The following HIVEP1 variants were observed in gnomAD, a reference collection of about 807,000 sequenced individuals.
The protein encoded by HIVEP1 is HIVEP zinc finger 1, also known as zinc finger protein 40.
HIVEP1 carries 36 observed loss-of-function variants against 180.0 expected under a neutral mutation model. The ratio of observed to expected loss-of-function variants is 0.20; its 90% CI spans 0.15 to 0.26. The LOEUF (loss-of-function observed/expected upper bound fraction) is 0.26. HIVEP1 is among the 10% of genes least tolerant of loss of function. The pLI, the probability that HIVEP1 is intolerant of heterozygous loss-of-function variation, is 1.00. For missense variants in HIVEP1, 3,143 were observed against 3,268.7 expected, an observed-to-expected ratio of 0.96 and a Z score of 0.94; for synonymous variants, 1,239 against 1,239.0, an observed-to-expected ratio of 1.00 and a Z score of 0.00.
the HIVEP1 span, among the ~76,000 whole-genome samples, chr6:12,211,392 T>C: frequency 2.0e-5 from 1 of 50,704 alleles, no homozygotes; most frequent in African/African-American, 7.3e-5. Context: ...AGAGCGAGAC[T>C]CTGTCTCAAA....
the HIVEP1 span, among the ~76,000 whole-genome samples, chr6:12,176,670 A>G: frequency 6.6e-6 from 1 of 152,180 alleles, no homozygotes; most frequent in Admixed American, 6.5e-5. Context: ...TTTAAAAAGG[A>G]TACAAAGCAT....
At chr6:12,071,833 T>C (rs867701518) in intron 2 of HIVEP1, among the ~76,000 whole-genome samples, 1 of 152,208 alleles carries the variant, frequency 6.6e-6, no homozygotes, top group Non-Finnish European at 1.5e-5. Flanking sequence ...TTGAGGGCAT[T>C]TTTAGATGAG....
At chr6:12,045,209 G>T (rs1413871206) in intron 2 of HIVEP1, among the ~76,000 whole-genome samples, 2 of 152,178 alleles carry the variant, frequency 1.3e-5, no homozygotes, top group Admixed American at 6.5e-5. Context: ...GTGAATGTGT[G>T]TGTGGATCCA....
At chr6:12,156,219 G>A (rs1027498360) in intron 7 of HIVEP1, among the ~76,000 whole-genome samples, 1 of 152,152 alleles carries the variant, frequency 6.6e-6, no homozygotes, top group Non-Finnish European at 1.5e-5. Flanking sequence ...TCTGATGATA[G>A]TTCCTTTTGT....
intron 2 of HIVEP1, among the ~76,000 whole-genome samples, chr6:12,053,765 C>CA (rs1463934356): frequency 6.6e-6 from 1 of 152,186 alleles, no homozygotes; most frequent in Non-Finnish European, 1.5e-5. Flanking sequence ...CCTTCCCCCA[C>CA]AAAACAGAAA....
chr6:12,026,759 G>A (rs1768612603), intron 2 of HIVEP1, among the ~76,000 whole-genome samples: 1 of 152,164 alleles, frequency 6.6e-6, no homozygotes. Context: ...ACTGGTAACA[G>A]TTTAAAAGAA....
chr6:12,040,445 C>T (rs530773922), intron 2 of HIVEP1, among the ~76,000 whole-genome samples: 14 of 152,218 alleles, frequency 9.2e-5, no homozygotes, highest in South Asian at 2.1e-4. Flanking sequence ...TTTTTAAATA[C>T]GTAACTATAG....
intron 1 of HIVEP1, 63 bp downstream of exon 1, chr6:12,012,629 G>T (rs921626353): frequency 1.3e-5 from 2 of 149,076 alleles, no homozygotes; most frequent in Non-Finnish European, 3.0e-5. Flanking sequence ...CGGAGGGGGG[G>T]GGGGGCAGGA....
chr6:12,058,799 G>T lies in HIVEP1; in HGVS notation c.41-30385G>T, dbSNP rs970349001. Among the ~76,000 whole-genome samples the T allele has an allele frequency of 7.9e-5, 12 of 152,134 alleles. 1 individual carries two copies. Among genetic ancestry groups the T allele is most frequent in the Admixed American group, 7.2e-4 (11 of 15,264 alleles). On this transcript the variant is annotated intron_variant, in intron 2 of 8. Transcript: ENST00000379388. ...AAGTCACGTGGGGCTGACCTAGTAA[G>T]CTTTGCAAAAGAAAATTTTACCAAG...
chr6:12,031,619 C>A (rs973400906), intron 2 of HIVEP1, among the ~76,000 whole-genome samples: 15 of 152,176 alleles, frequency 9.9e-5, no homozygotes, highest in African/African-American at 2.9e-4. Context: ...TGGTTGAACC[C>A]TGGCACTGAC....
At chr6:12,110,095 G>T (rs1774787993) in intron 3 of HIVEP1, among the ~76,000 whole-genome samples, 1 of 152,144 alleles carries the variant, frequency 6.6e-6, no homozygotes. Context: ...TCTCAATATT[G>T]GGCTTAAAAT....
rs1581720393 is a variant in HIVEP1 at position 12,120,145 on chromosome 6, G to A, written c.350G>A (p.Gly117Glu). 1 of 1,614,076 alleles carries A rather than the reference G, an allele frequency of 6.2e-7. No individual in the cohort carries two copies. Among genetic ancestry groups the A allele is most frequent in the Non-Finnish European group, 8.5e-7 (1 of 1,179,992 alleles). Residue 117 changes from glycine to glutamate, a missense_variant, in exon 4 of 9, where the codon GGA becomes GAA. Transcript: ENST00000379388. ...ACCAAACAAAATGGAGAAACACCTG[G>A]AATAATTGCTGAAGCCTCAAAATCT... ...QFTKQNGETP[G>E]IIAEASKSEE... is the part of the protein sequence containing the mutation.
intron 3 of HIVEP1, 144 bp from the exon 4 acceptor site, chr6:12,119,746 A>G: frequency 1.7e-6 from 1 of 585,834 alleles, no homozygotes. Context: ...CAGAAGTGCA[A>G]TTTTATTTAA....
intron 4 of HIVEP1, among the ~76,000 whole-genome samples, chr6:12,129,126 C>T (rs959549352): frequency 1.3e-5 from 2 of 152,166 alleles, no homozygotes. Flanking sequence ...GGGAGGACCT[C>T]TTGAGCCCAG....
At chr6:12,011,312 C>T (rs953384229), upstream of HIVEP1, among the ~76,000 whole-genome samples, 6 of 120,736 alleles carry the variant, frequency 5.0e-5, no homozygotes, top group Non-Finnish European at 8.3e-5. Context: ...TCTGCCCGGG[C>T]GAGGGGCGGG....
chr6:12,109,034 C>T (rs1017393925), intron 3 of HIVEP1, among the ~76,000 whole-genome samples: 33 of 152,332 alleles, frequency 2.2e-4, no homozygotes, highest in African/African-American at 7.7e-4. Context: ...GGCTGGAGTG[C>T]AGCGGCGCGA....
intron 2 of HIVEP1, among the ~76,000 whole-genome samples, chr6:12,036,564 T>C (rs1769288595): frequency 6.6e-6 from 1 of 152,210 alleles, no homozygotes; most frequent in Admixed American, 6.5e-5. Context: ...GTGATCTCTG[T>C]GGTCCTGTAG....
At chr6:12,202,984 C>T in the HIVEP1 span, among the ~76,000 whole-genome samples, 1 of 152,090 alleles carries the variant, frequency 6.6e-6, no homozygotes, top group Non-Finnish European at 1.5e-5. Flanking sequence ...TGAACTGTGC[C>T]CCAAAGGGTT....
Position 12,121,603 on chromosome 6 carries a change from C to T in HIVEP1, c.1808C>T (p.Pro603Leu). 6.2e-7 allele frequency: 1 copy of T among 1,614,162 alleles called. No individual in the cohort carries two copies. The highest frequency in any genetic ancestry group is 1.1e-5 in the South Asian group (1 of 91,080). Residue 603 changes from proline to leucine, a missense_variant, in exon 4 of 9, where the codon CCA becomes CTA. Physicochemically the swap from Pro to Leu is moderately conservative, Grantham distance 98. Around this residue, in one of 12 missense-constraint regions of HIVEP1, gnomAD observed 365 missense variants for 344.4 expected, o/e 1.06. Transcript: ENST00000379388. This position sits in a 1 kb window ranked among gnomAD's most constrained non-coding sequence, Gnocchi z 5.3. ...GACCTTCAGGTGACAAACGTACAGC[C>T]ACTTTCAGCCAACATGTCCCAGGGT... ...QKDLQVTNVQPLSANMSQGGV... is the reference protein window; with the variant it reads ...QKDLQVTNVQLLSANMSQGGV...
Sources: gnomAD v4.1 joint callset for allele counts (sites outside exome capture counted in the v4.1 genomes callset) on GRCh38, gnomAD v4.1.1 for gene constraint, gnomAD v4.1.1 regional missense constraint, Gnocchi (gnomAD v3.1) non-coding constraint, MANE v1.5 for transcripts, NCBI Gene and HGNC (gene_info 2026-07-23, HGNC 2026-07-21) for gene names.